The following GLIPR1L2 variants were observed in gnomAD, a reference collection of about 807,000 sequenced individuals.
GLIPR1L2 encodes GLIPR1-like protein 2.
A neutral mutation model predicts 28.4 loss-of-function variants in GLIPR1L2; 21 were observed. The ratio of observed to expected loss-of-function variants is 0.74; its 90% CI spans 0.52 to 1.06. The LOEUF (loss-of-function observed/expected upper bound fraction) is 1.06, where lower values mean the gene tolerates loss of function less well. Among genes scored for constraint, GLIPR1L2 ranks in the 50% least tolerant of loss-of-function variants. GLIPR1L2 has a pLI of 0.00. For synonymous variants in GLIPR1L2, 145 were observed against 139.3 expected (o/e 1.04, Z -0.29); for missense variants, 476 against 416.9 (o/e 1.14, Z -1.23).
intron 2 of GLIPR1L2, among the ~76,000 whole-genome samples, chr12:75,412,520 C>A (rs1261331512): frequency 1.7e-3 from 254 of 150,918 alleles, no homozygotes; most frequent in African/African-American, 5.8e-3. Context: ...CAACCCCATC[C>A]AAAAGTGGGC....
chr12:75,420,368 A>G (rs960590875), intron 3 of GLIPR1L2, among the ~76,000 whole-genome samples: 1 of 152,224 alleles, frequency 6.6e-6, no homozygotes, highest in Non-Finnish European at 1.5e-5. Flanking sequence ...AAGACTGTGT[A>G]TCTATATCAA....
chr12:75,430,600 C>G, intron 4 of GLIPR1L2, 115 bp from the exon 5 acceptor site: 1 of 970,800 alleles, frequency 1.0e-6, no homozygotes, highest in Non-Finnish European at 1.5e-6. Flanking sequence ...GGGAGGACAT[C>G]AAAGATAATG....
intron 1 of GLIPR1L2, chr12:75,402,911 C>A (rs948409046): frequency 1.6e-5 from 7 of 437,206 alleles, no homozygotes; most frequent in African/African-American, 1.2e-4. Flanking sequence ...GGAATTGAGC[C>A]CATTCTCTCT....
intron 4 of GLIPR1L2, among the ~76,000 whole-genome samples, chr12:75,425,937 C>T (rs1229964744): frequency 1.3e-5 from 2 of 152,034 alleles, no homozygotes; most frequent in Non-Finnish European, 2.9e-5. Context: ...TTTTAATAAA[C>T]ATATATATAA....
intron 3 of GLIPR1L2, among the ~76,000 whole-genome samples, chr12:75,417,344 G>A (rs1438725396): frequency 6.6e-6 from 1 of 152,064 alleles, no homozygotes; most frequent in Non-Finnish European, 1.5e-5. Context: ...GAAAAATCAA[G>A]GAACAGATTC....
At chr12:75,415,041 G>GA (rs2045910553) in intron 3 of GLIPR1L2, among the ~76,000 whole-genome samples, 1 of 152,080 alleles carries the variant, frequency 6.6e-6, no homozygotes, top group African/African-American at 2.4e-5. Flanking sequence ...CATTTGAGCT[G>GA]AAAACCAGAT....
chr12:75,421,952 T>TA (rs1420125806), intron 3 of GLIPR1L2, among the ~76,000 whole-genome samples: 4 of 151,284 alleles, frequency 2.6e-5, no homozygotes, highest in Admixed American at 1.3e-4. Context: ...CAATTAATTA[T>TA]AAAAAATTCT....
chr12:75,416,976 C>T (rs1167921194), intron 3 of GLIPR1L2, among the ~76,000 whole-genome samples: 2 of 151,938 alleles, frequency 1.3e-5, no homozygotes, highest in South Asian at 2.1e-4. Context: ...TTATAAAATA[C>T]TGGGTAGAAA....
intron 1 of GLIPR1L2, 89 bp downstream of exon 1, chr12:75,391,439 G>A: frequency 2.5e-6 from 4 of 1,601,206 alleles, no homozygotes; most frequent in South Asian, 2.2e-5. Flanking sequence ...ACTGCTCTGA[G>A]GCTGAAGGAT....
intron 4 of GLIPR1L2, among the ~76,000 whole-genome samples, chr12:75,428,571 G>A (rs186460392): frequency 1.7e-4 from 26 of 152,170 alleles, no homozygotes; most frequent in Admixed American, 1.5e-3. Flanking sequence ...GCAGAAATTT[G>A]CATAAGTAAC....
At chr12:75,402,594 C>G (rs1488270768) in intron 1 of GLIPR1L2, among the ~76,000 whole-genome samples, 1 of 152,112 alleles carries the variant, frequency 6.6e-6, no homozygotes, top group Non-Finnish European at 1.5e-5. Context: ...TAAATTTGTT[C>G]AGTTTCCAAA....
rs534677733 is a variant in GLIPR1L2 at position 75,432,261 on chromosome 12, C to G, written c.*1100C>G. The G allele has an allele frequency of 2.0e-5, 3 of 152,118 alleles. No homozygotes were observed. The highest frequency in any genetic ancestry group is 4.4e-5 in the Non-Finnish European group (3 of 67,982). The allele number at this position is 152,118 out of a possible 1,614,324, so 9.4% of individuals were successfully genotyped here. A position where few individuals can be genotyped will look rare whatever the true frequency, so the allele number is the denominator to read the frequency against. ...TTTCCAATTGCCATTCCATACTCAG[C>G]TGTCTTATTGTTGCACACTTATTAG... On this transcript the variant is annotated 3_prime_UTR_variant, in exon 6 of 6. Transcript: ENST00000550916.
chr12:75,425,914 T>C (rs1462142509), intron 4 of GLIPR1L2, among the ~76,000 whole-genome samples: 1 of 152,158 alleles, frequency 6.6e-6, no homozygotes, highest in Non-Finnish European at 1.5e-5. Context: ...TTTTAAGTGT[T>C]GGAAATTAAG....
In GLIPR1L2 at chr12:75,410,418, T is replaced by C; in HGVS notation, c.235-16T>C. ...AAAACTTATTTTGTTCTCTTTGCTT[T>C]TTGAATATTTTTCAGACTTGGGATG... On this transcript the variant is annotated splice_polypyrimidine_tract_variant and intron_variant, in intron 1 of 5. Transcript: ENST00000550916. 14 of 1,497,594 alleles carry C rather than the reference T, an allele frequency of 9.3e-6. No homozygotes were observed. Among genetic ancestry groups the C allele is most frequent in the Non-Finnish European group, 1.2e-5 (13 of 1,123,338 alleles). 92.8% of individuals were successfully genotyped at this position (1,497,594 alleles called of 1,614,324 possible).
chr12:75,415,361 G>C (rs2045913466), intron 3 of GLIPR1L2, among the ~76,000 whole-genome samples: 1 of 152,090 alleles, frequency 6.6e-6, no homozygotes, highest in Non-Finnish European at 1.5e-5. Context: ...AAGGAAACGA[G>C]TGTAAAGAGG....
At chr12:75,413,301 A>T (rs951749555) in intron 2 of GLIPR1L2, among the ~76,000 whole-genome samples, 1 of 151,570 alleles carries the variant, frequency 6.6e-6, no homozygotes, top group Non-Finnish European at 1.5e-5. Flanking sequence ...CATATGTAAC[A>T]AACCTGCACA....
At chr12:75,429,903 G>T (rs963675828) in intron 4 of GLIPR1L2, among the ~76,000 whole-genome samples, 1 of 148,996 alleles carries the variant, frequency 6.7e-6, no homozygotes, top group Non-Finnish European at 1.5e-5. Context: ...AGAACTATGA[G>T]TCAATTAAAC....
chr12:75,428,185 A>G (rs1026322392), intron 4 of GLIPR1L2, among the ~76,000 whole-genome samples: 1 of 152,202 alleles, frequency 6.6e-6, no homozygotes, highest in African/African-American at 2.4e-5. Context: ...ATGGACAATG[A>G]AATCCAGGCT....
At chr12:75,416,317 A>G (rs1352888118) in intron 3 of GLIPR1L2, among the ~76,000 whole-genome samples, 1 of 152,148 alleles carries the variant, frequency 6.6e-6, no homozygotes, top group African/African-American at 2.4e-5. Flanking sequence ...ATATGAAAGT[A>G]TGTGGTTGTT....
Sources: gnomAD v4.1 joint callset for allele counts (sites outside exome capture counted in the v4.1 genomes callset) on GRCh38, gnomAD v4.1.1 for gene constraint, MANE v1.5 for transcripts, NCBI Gene and HGNC (gene_info 2026-07-23, HGNC 2026-07-21) for gene names.